SNX24: variants seen among roughly 807,000 people sequenced by gnomAD.
The protein encoded by SNX24 is sorting nexin 24, also known as sorting nexin-24.
In SNX24, 22 loss-of-function variants were observed where a neutral mutation model predicts 28.7. That is an observed-to-expected ratio of 0.77 (90% CI 0.55 to 1.10). The LOEUF is 1.10. Among genes scored for constraint, SNX24 ranks in the 50% least tolerant of loss-of-function variants. The probability of loss-of-function intolerance (pLI) is 0.00; values close to 1 mark genes in which losing one functional copy is unlikely to be tolerated. For synonymous variants in SNX24, 69 were observed against 71.5 expected (o/e 0.96, Z 0.18); for missense variants, 221 against 201.1 (o/e 1.10, Z -0.60).
intron 3 of SNX24, among the ~76,000 whole-genome samples, chr5:122,968,021 T>C (rs1760787086): frequency 6.6e-6 from 1 of 152,186 alleles, no homozygotes; most frequent in Non-Finnish European, 1.5e-5. Context: ...AACATGGATG[T>C]TTTTAAAAAT....
intron 4 of SNX24, 52 bp downstream of exon 4, chr5:123,000,058 A>G: frequency 8.4e-7 from 1 of 1,192,034 alleles, no homozygotes. Context: ...CTCTTCAATG[A>G]CCAATTGATC....
chr5:122,999,792 TG>T, intron 3 of SNX24, 119 bp from the exon 4 acceptor site: 1 of 716,530 alleles, frequency 1.4e-6, no homozygotes, highest in South Asian at 1.6e-5. Context: ...TCATCTTGAC[TG>T]TGAGGAATGT....
downstream of SNX24, among the ~76,000 whole-genome samples, chr5:123,011,879 T>C (rs1453915846): frequency 6.6e-6 from 1 of 152,232 alleles, no homozygotes; most frequent in South Asian, 2.1e-4. Flanking sequence ...TATAATGATA[T>C]GGTTTGGCTG....
intron 3 of SNX24, among the ~76,000 whole-genome samples, chr5:122,957,291 G>A (rs1760255219): frequency 6.6e-6 from 1 of 152,248 alleles, no homozygotes; most frequent in Non-Finnish European, 1.5e-5. Context: ...CCATTTGAAT[G>A]ATCTTGGCAC....
intron 3 of SNX24, among the ~76,000 whole-genome samples, chr5:122,995,535 C>T (rs1174460384): frequency 6.6e-6 from 1 of 152,106 alleles, no homozygotes; most frequent in African/African-American, 2.4e-5. Flanking sequence ...GCGCATTTGA[C>T]ACCATGTGGA....
intron 1 of SNX24, among the ~76,000 whole-genome samples, chr5:122,880,348 G>A (rs1756423568): frequency 3.9e-5 from 6 of 152,220 alleles, no homozygotes; most frequent in Admixed American, 3.9e-4. Context: ...TGAAGAGGTG[G>A]TTAGAATGGG....
chr5:122,980,622 CAGA>C (rs1761351416), intron 3 of SNX24, among the ~76,000 whole-genome samples: 1 of 151,238 alleles, frequency 6.6e-6, no homozygotes, highest in African/African-American at 2.4e-5. Context: ...TCTTGACAAG[CAGA>C]AGGAGTTTAA....
At chr5:122,852,892 C>G (rs1330282739) in intron 1 of SNX24, among the ~76,000 whole-genome samples, 1 of 152,052 alleles carries the variant, frequency 6.6e-6, no homozygotes, top group African/African-American at 2.4e-5. Flanking sequence ...CACCAAACCC[C>G]TCAGGCATCA....
At chr5:122,973,350 A>G (rs1436339929) in intron 3 of SNX24, among the ~76,000 whole-genome samples, 1 of 152,178 alleles carries the variant, frequency 6.6e-6, no homozygotes, top group African/African-American at 2.4e-5. Context: ...GCCCACTGGG[A>G]AGATTTGCCT....
rs76061169 is a variant in SNX24 at position 122,967,858 on chromosome 5, G to T, written c.249+21699G>T. ...ATTAAACCACGAGCTCACGTGAATGGCAGTAGCACCTGCGCTGTCGCTTCT... is the reference window on the plus strand; with the variant it reads ...ATTAAACCACGAGCTCACGTGAATGTCAGTAGCACCTGCGCTGTCGCTTCT... On this transcript the variant is annotated intron_variant, in intron 3 of 6. Transcript: ENST00000261369. 8.3e-3 allele frequency among the ~76,000 whole-genome samples: 1,262 copies of T among 152,286 alleles called. 18 individuals are homozygous for T. The highest frequency in any genetic ancestry group is 0.029 in the African/African-American group (1,196 of 41,548).
rs111840924 is a variant in SNX24, at chr5:122,882,565, A to T, written c.60+36872A>T. Reference sequence around the variant, plus strand: ...CTCATCTCTTTGTTCTGTGTTCTGGACCCACTGTGAATGCTTGGGGCTCTC... The same window carrying T: ...CTCATCTCTTTGTTCTGTGTTCTGGTCCCACTGTGAATGCTTGGGGCTCTC... On this transcript the variant is annotated intron_variant, in intron 1 of 6. Transcript: ENST00000261369. Among the ~76,000 whole-genome samples the T allele has an allele frequency of 4.2e-3, 647 of 152,262 alleles. 5 individuals are homozygous for T. Among genetic ancestry groups the T allele is most frequent in the African/African-American group, 0.015 (615 of 41,552 alleles).
intron 3 of SNX24, among the ~76,000 whole-genome samples, chr5:122,953,243 T>C (rs4836334): frequency 0.37 from 55,828 of 151,842 alleles, 11,028 homozygotes; most frequent in African/African-American, 0.49. Flanking sequence ...TGGCTGGGAT[T>C]ACAGGCACCT....
chr5:122,962,077 A>G (rs1189009438), intron 3 of SNX24, among the ~76,000 whole-genome samples: 1 of 152,234 alleles, frequency 6.6e-6, no homozygotes, highest in Non-Finnish European at 1.5e-5. Flanking sequence ...TCTTAGAACA[A>G]CGTATGGCAT....
intron 3 of SNX24, among the ~76,000 whole-genome samples, chr5:122,988,595 C>T (rs1310090184): frequency 6.6e-6 from 1 of 152,148 alleles, no homozygotes; most frequent in East Asian, 1.9e-4. Flanking sequence ...AAATTATTCC[C>T]TGTGGCTCAT....
At chr5:122,991,376 C>T (rs1021131018) in intron 3 of SNX24, among the ~76,000 whole-genome samples, 2 of 152,136 alleles carry the variant, frequency 1.3e-5, no homozygotes, top group Non-Finnish European at 2.9e-5. Context: ...CAGTTATTTG[C>T]TGAAAAGAAT....
chr5:123,028,174 A>AACTC (rs1302289832), intron 5 of SNX24, among the ~76,000 whole-genome samples: 1 of 152,254 alleles, frequency 6.6e-6, no homozygotes, highest in African/African-American at 2.4e-5. Flanking sequence ...TCCCAAGTAG[A>AACTC]ACTCACTTTC....
At chr5:123,013,274 T>C (rs1327863337), downstream of SNX24, among the ~76,000 whole-genome samples, 2 of 152,244 alleles carry the variant, frequency 1.3e-5, no homozygotes, top group African/African-American at 4.8e-5. Flanking sequence ...AATCCTTGCC[T>C]TCTGGAATTG....
At chr5:123,025,619 C>A (rs1762839543) in intron 5 of SNX24, among the ~76,000 whole-genome samples, 1 of 152,116 alleles carries the variant, frequency 6.6e-6, no homozygotes, top group Admixed American at 6.5e-5. Flanking sequence ...GCCAATGACC[C>A]TAAGAATTAA....
intron 3 of SNX24, among the ~76,000 whole-genome samples, chr5:122,983,463 T>C (rs902391191): frequency 4.6e-5 from 7 of 152,190 alleles, no homozygotes; most frequent in Non-Finnish European, 1.0e-4. Flanking sequence ...TACCTTAGAC[T>C]CTGTTTATCT....
Sources: gnomAD v4.1 joint callset for allele counts (sites outside exome capture counted in the v4.1 genomes callset) on GRCh38, gnomAD v4.1.1 for gene constraint, MANE v1.5 for transcripts, NCBI Gene and HGNC (gene_info 2026-07-23, HGNC 2026-07-21) for gene names.